Variants in GSDME observed in about 807,000 individuals in gnomAD.
GSDME encodes the protein gasdermin E.
GSDME carries 44 observed loss-of-function variants against 47.5 expected under a neutral mutation model. That is an observed-to-expected ratio of 0.93 (90% CI 0.73 to 1.19). The LOEUF is 1.19. Among genes scored for constraint, GSDME ranks in the 50% most tolerant of loss-of-function variants. GSDME has a pLI of 0.00. For missense variants in GSDME, 663 were observed against 604.2 expected, an observed-to-expected ratio of 1.10 and a Z score of -1.02; for synonymous variants, 258 against 252.8, an observed-to-expected ratio of 1.02 and a Z score of -0.20.
chr7:24,720,714 G>A (rs777682252), intron 3 of GSDME, among the ~76,000 whole-genome samples: 5 of 152,176 alleles, frequency 3.3e-5, no homozygotes, highest in African/African-American at 1.2e-4. Flanking sequence ...TCGGGAGTTC[G>A]AGACCAGCCT....
intron 5 of GSDME, 114 bp from the exon 6 acceptor site, chr7:24,710,502 G>A: frequency 1.0e-6 from 1 of 974,342 alleles, no homozygotes; most frequent in Non-Finnish European, 1.6e-6. Flanking sequence ...ACTCAGTGGA[G>A]CAGAAGACCC....
At chr7:24,707,867 C>T in intron 7 of GSDME, 2 of 573,984 alleles carry the variant, frequency 3.5e-6, no homozygotes, top group East Asian at 2.8e-5. Context: ...GACTTTTGGG[C>T]TCCAAAACTA....
In GSDME at chr7:24,754,820, C is replaced by T. The variant is rs143071987; in HGVS notation, c.-20+2576G>A. Reference sequence around the variant, plus strand: ...TCTAGTTTTTAAATTAGAAGAGAAACCTCATTCTTTCTCACACTCCATTCA... The same window carrying T: ...TCTAGTTTTTAAATTAGAAGAGAAATCTCATTCTTTCTCACACTCCATTCA... On this transcript the variant is annotated intron_variant, in intron 1 of 9. Transcript: ENST00000645220. The surrounding 1 kb of genome is among the most constrained non-coding windows in gnomAD (Gnocchi z 5.0). 6.6e-6 allele frequency among the ~76,000 whole-genome samples: 1 copy of T among 152,272 alleles called. No individual in the cohort carries two copies. The highest frequency in any genetic ancestry group is 1.9e-4 in the East Asian group (1 of 5,190).
At chr7:24,784,518 A>T in the GSDME span, among the ~76,000 whole-genome samples, 1 of 152,276 alleles carries the variant, frequency 6.6e-6, no homozygotes, top group Non-Finnish European at 1.5e-5. Flanking sequence ...AGAACCTGGA[A>T]TCTGATGTTC....
chr7:24,717,185 C>T, intron 5 of GSDME, 69 bp downstream of exon 5: 3 of 1,226,628 alleles, frequency 2.4e-6, no homozygotes, highest in Non-Finnish European at 2.2e-6. Flanking sequence ...CTCTGGAAAG[C>T]AGTCAAGTCC....
In GSDME at chr7:24,698,499, G is replaced by A. The variant is rs6957782; in HGVS notation, c.*527C>T. 11,906 of 188,320 alleles carry A rather than the reference G, an allele frequency of 0.063. 502 individuals carry two copies. The highest frequency in any genetic ancestry group is 0.12 in the African/African-American group (4,924 of 41,486). 11.7% of individuals were successfully genotyped at this position (188,320 alleles called of 1,614,324 possible). On this transcript the variant is annotated 3_prime_UTR_variant, in exon 10 of 10. Coordinates refer to ENST00000645220, the MANE Select transcript of GSDME (RefSeq NM_001127453.2). Reference sequence around the variant, plus strand: ...GGGTCCCAAGCAGGGGTGTGTTACTGTTAGATTTTTTTGAAGTTTAATTTT... The same window carrying A: ...GGGTCCCAAGCAGGGGTGTGTTACTATTAGATTTTTTTGAAGTTTAATTTT...
rs571152949 is a variant in GSDME, at chr7:24,733,398, A to G, written c.404+11164T>C. The stretch of plus-strand genomic sequence containing the variant: ...GGAGAGATTCCTTCTGCTTGAGAAA[A>G]GCAGAGAGAAAAGAGGACTTTGTCT... On this transcript the variant is annotated intron_variant, in intron 3 of 9. Transcript: ENST00000645220. The surrounding 1 kb of genome is among the most constrained non-coding windows in gnomAD (Gnocchi z 4.3). 5.9e-5 allele frequency among the ~76,000 whole-genome samples: 9 copies of G among 152,276 alleles called. No individual in the cohort carries two copies. Among genetic ancestry groups the G allele is most frequent in the Non-Finnish European group, 1.5e-5 (1 of 68,028 alleles).
In GSDME at chr7:24,732,600, C is replaced by CAG. The variant is rs376083312; in HGVS notation, c.404+11960_404+11961dup. ...CTATCTCTGGGCAGCAGCCATGTGG[C>CAG]AGAGAGAGAGAAGCCGTGTGCTGTA... On this transcript the variant is annotated intron_variant, in intron 3 of 9. Coordinates refer to ENST00000645220, the MANE Select transcript of GSDME (RefSeq NM_001127453.2). This position sits in a 1 kb window ranked among gnomAD's most constrained non-coding sequence, Gnocchi z 4.8. 6.6e-6 allele frequency among the ~76,000 whole-genome samples: 1 copy of CAG among 152,144 alleles called. No individual in the cohort carries two copies. The highest frequency in any genetic ancestry group is 1.5e-5 in the Non-Finnish European group (1 of 68,040).
intron 2 of GSDME, among the ~76,000 whole-genome samples, chr7:24,747,906 G>A (rs1025816469): frequency 2.0e-5 from 3 of 151,878 alleles, no homozygotes; most frequent in African/African-American, 7.3e-5. Flanking sequence ...GGGCTCAAGC[G>A]ATCCGCCCAC....
chr7:24,757,036 T>G lies in GSDME; in HGVS notation c.-20+360A>C, dbSNP rs574570893. On this transcript the variant is annotated intron_variant, in intron 1 of 9. Transcript: ENST00000645220. The surrounding 1 kb of genome is among the most constrained non-coding windows in gnomAD (Gnocchi z 5.9). ...AGGATGAACGAATGGGGAGGGGGGG[T>G]TTGGGGGGTTGGGAGAACGAAAATA... Among the ~76,000 whole-genome samples, 28 of 141,608 alleles carry G rather than the reference T, an allele frequency of 2.0e-4. No homozygotes were observed. The highest frequency in any genetic ancestry group is 3.4e-4 in the African/African-American group (13 of 37,702). 92.9% of individuals were successfully genotyped at this position (141,608 alleles called of 152,430 possible).
chr7:24,707,776 G>T (rs914224670), intron 7 of GSDME: 2 of 476,742 alleles, frequency 4.2e-6, no homozygotes, highest in Admixed American at 3.6e-5. Flanking sequence ...GGAGCCATCC[G>T]CAGCTGGAAG....
chr7:24,734,097 T>A (rs571870126), intron 3 of GSDME, among the ~76,000 whole-genome samples: 1 of 152,268 alleles, frequency 6.6e-6, no homozygotes, highest in East Asian at 1.9e-4. Context: ...AGACTCTGTT[T>A]TGGAGAAAGT....
chr7:24,735,800 T>C lies in GSDME; in HGVS notation c.404+8762A>G, dbSNP rs925560598. Among the ~76,000 whole-genome samples the C allele has an allele frequency of 2.2e-5, 3 of 134,832 alleles. No individual in the cohort carries two copies. The highest frequency in any genetic ancestry group is 4.8e-5 in the Non-Finnish European group (3 of 62,758). 88.5% of individuals were successfully genotyped at this position (134,832 alleles called of 152,430 possible). On this transcript the variant is annotated intron_variant, in intron 3 of 9. Coordinates refer to ENST00000645220, the MANE Select transcript of GSDME (RefSeq NM_001127453.2). The surrounding 1 kb of genome is among the most constrained non-coding windows in gnomAD (Gnocchi z 4.4). ...ATAAATAAATAAATAAATAAATAAA[T>C]AAATAAAACTACAAAAACTTTTCAA...
At chr7:24,767,601 A>G in the GSDME span, among the ~76,000 whole-genome samples, 3 of 149,596 alleles carry the variant, frequency 2.0e-5, no homozygotes, top group Non-Finnish European at 4.4e-5. This position sits in a 1 kb window ranked among gnomAD's most constrained non-coding sequence, Gnocchi z 5.3. Context: ...TTTTCAAAGG[A>G]AAATGGAGTT....
intron 3 of GSDME, among the ~76,000 whole-genome samples, chr7:24,723,481 C>T (rs1202018289): frequency 6.6e-6 from 1 of 152,204 alleles, no homozygotes; most frequent in African/African-American, 2.4e-5. Flanking sequence ...AATTTCAATG[C>T]AATTTGTTTA....
At chr7:24,779,944 C>T in the GSDME span, among the ~76,000 whole-genome samples, 1 of 152,274 alleles carries the variant, frequency 6.6e-6, no homozygotes, top group South Asian at 2.1e-4. The surrounding 1 kb of genome is among the most constrained non-coding windows in gnomAD (Gnocchi z 6.0). Context: ...CACGCCCATT[C>T]TGAAGGCAGC....
At chr7:24,710,895 TATGA>T (rs1452129386) in intron 5 of GSDME, among the ~76,000 whole-genome samples, 1 of 152,224 alleles carries the variant, frequency 6.6e-6, no homozygotes, top group Non-Finnish European at 1.5e-5. Flanking sequence ...TCTGCAGTTA[TATGA>T]ATGAATTTCA....
intron 1 of GSDME, among the ~76,000 whole-genome samples, chr7:24,753,183 A>C (rs1050945649): frequency 6.6e-6 from 1 of 152,222 alleles, no homozygotes; most frequent in African/African-American, 2.4e-5. Flanking sequence ...TTACATGTGA[A>C]TTATACTTAC....
chr7:24,779,817 G>C, the GSDME span, among the ~76,000 whole-genome samples: 3 of 152,194 alleles, frequency 2.0e-5, no homozygotes, highest in African/African-American at 7.2e-5. The surrounding 1 kb of genome is among the most constrained non-coding windows in gnomAD (Gnocchi z 6.0). Flanking sequence ...CACACCAACA[G>C]CATCCCTAGG....
Sources: gnomAD v4.1 joint callset for allele counts (sites outside exome capture counted in the v4.1 genomes callset) on GRCh38, gnomAD v4.1.1 for gene constraint, Gnocchi (gnomAD v3.1) non-coding constraint, MANE v1.5 for transcripts, NCBI Gene and HGNC (gene_info 2026-07-23, HGNC 2026-07-21) for gene names.